Variants in CAPRIN1 observed in about 807,000 individuals in gnomAD.
CAPRIN1 encodes the protein cell cycle associated protein 1.
A neutral mutation model predicts 100.9 loss-of-function variants in CAPRIN1; 29 were observed. The observed-to-expected ratio is 0.29, with a 90% confidence interval of 0.21 to 0.39. The LOEUF is 0.39. Ranked by LOEUF, CAPRIN1 falls within the 10% of genes least tolerant of loss-of-function variation. CAPRIN1 has a pLI of 1.00. For missense variants in CAPRIN1, 795 were observed against 876.7 expected (o/e 0.91, Z 1.18); for synonymous variants, 338 against 307.5 (o/e 1.10, Z -1.04).
At chr11:34,071,840 CAA>C (rs1565088082) in intron 3 of CAPRIN1, 52 bp downstream of exon 3, 2 of 1,585,578 alleles carry the variant, frequency 1.3e-6, no homozygotes, top group East Asian at 2.2e-5. Flanking sequence ...ATTTTAAAGA[CAA>C]AAATTAATTC....
chr11:34,054,065 ATAAGT>A lies in CAPRIN1; in HGVS notation c.216+1431_216+1435del, dbSNP rs150567430. Among the ~76,000 whole-genome samples the A allele has an allele frequency of 4.9e-3, 754 of 152,330 alleles. 7 individuals are homozygous for A. Among genetic ancestry groups the A allele is most frequent in the African/African-American group, 0.017 (716 of 41,578 alleles). On this transcript the variant is annotated intron_variant, in intron 2 of 18. Coordinates refer to ENST00000341394, the MANE Select transcript of CAPRIN1 (RefSeq NM_005898.5). ...CTGGCTAAAACTTGGGCTGTGGGAA[ATAAGT>A]TGAAGAAAACTGGTGATGTTTAGGT...
intron 2 of CAPRIN1, chr11:34,053,640 A>C (rs1405303128): frequency 6.6e-6 from 1 of 151,048 alleles, no homozygotes; most frequent in Non-Finnish European, 1.5e-5. Flanking sequence ...TTTTGGATTC[A>C]ATATTTAGTC....
At chr11:34,081,886 G>T (rs147930971) in intron 7 of CAPRIN1, among the ~76,000 whole-genome samples, 12,968 of 151,842 alleles carry the variant, frequency 0.085, 572 homozygotes, top group African/African-American at 0.092. Flanking sequence ...ATCTCAGCTT[G>T]CTGCAACCTC....
intron 2 of CAPRIN1, 106 bp downstream of exon 2, chr11:34,052,742 C>G (rs764688803): frequency 7.0e-7 from 1 of 1,427,488 alleles, no homozygotes; most frequent in African/African-American, 1.4e-5. Context: ...GGGAGCGTTA[C>G]TAGGTCCCCT....
Position 34,086,341 on chromosome 11 carries a change from C to A in CAPRIN1, c.1159C>A (p.Pro387Thr), listed in dbSNP as rs566066020. ...GGATTTTGAAAATCAGACACTTGAT[C>A]CTGCCATTGTATCTGCACAGCCTAT... ...MLDFENQTLDPAIVSAQPMNP... is the reference protein window; with the variant it reads ...MLDFENQTLDTAIVSAQPMNP... Residue 387 changes from proline (P) to threonine (T), a missense_variant, in exon 11 of 19, where the codon CCT becomes ACT. Pro to Thr is a conservative substitution (Grantham distance 38). Around this residue, in one of 3 missense-constraint regions of CAPRIN1, gnomAD observed 648 missense variants for 697.9 expected, o/e 0.93. Transcript: ENST00000341394. 1.2e-6 allele frequency: 2 copies of A among 1,613,926 alleles called. No individual in the cohort carries two copies. The highest frequency in any genetic ancestry group is 1.7e-6 in the Non-Finnish European group (2 of 1,179,880).
chr11:34,079,496 A>T, intron 6 of CAPRIN1, 132 bp from the exon 7 acceptor site: 1 of 631,220 alleles, frequency 1.6e-6, no homozygotes, highest in Non-Finnish European at 2.7e-6. Flanking sequence ...GGTGAAATGT[A>T]ATCTTTTTAT....
intron 2 of CAPRIN1, among the ~76,000 whole-genome samples, chr11:34,063,904 G>A (rs1303889726): frequency 2.0e-5 from 3 of 152,062 alleles, no homozygotes; most frequent in Non-Finnish European, 4.4e-5. Flanking sequence ...TAGTAGCTGT[G>A]TTTACAGGCA....
At chr11:34,068,457 A>G (rs759683110) in intron 2 of CAPRIN1, among the ~76,000 whole-genome samples, 5 of 152,188 alleles carry the variant, frequency 3.3e-5, no homozygotes, top group Admixed American at 1.3e-4. Context: ...CAGATTTTGT[A>G]GCTATCTTTG....
intron 2 of CAPRIN1, among the ~76,000 whole-genome samples, chr11:34,058,434 G>A (rs997784551): frequency 1.3e-5 from 2 of 152,192 alleles, no homozygotes; most frequent in African/African-American, 4.8e-5. Context: ...ACCACACCCG[G>A]CCTCTTAAAT....
chr11:34,052,726 C>G, intron 2 of CAPRIN1, 90 bp downstream of exon 2: 1 of 1,457,822 alleles, frequency 6.9e-7, no homozygotes, highest in Non-Finnish European at 9.3e-7. Flanking sequence ...CGCTTCTTTT[C>G]GTCTCGGGAG....
intron 16 of CAPRIN1, among the ~76,000 whole-genome samples, 161 bp from the exon 17 acceptor site, chr11:34,097,035 C>T (rs185119949): frequency 1.3e-3 from 197 of 152,092 alleles, no homozygotes; most frequent in Middle Eastern, 3.4e-3. Context: ...TTAGTACTTA[C>T]AGAAATTTAT....
At chr11:34,071,488 G>A (rs932756029) in intron 2 of CAPRIN1, among the ~76,000 whole-genome samples, 4 of 152,048 alleles carry the variant, frequency 2.6e-5, no homozygotes, top group African/African-American at 9.7e-5. Flanking sequence ...TAGCTTGAAC[G>A]TGGGAGGCAG....
At chr11:34,080,861 A>G (rs1277687465) in intron 7 of CAPRIN1, among the ~76,000 whole-genome samples, 1 of 152,218 alleles carries the variant, frequency 6.6e-6, no homozygotes, top group Admixed American at 6.5e-5. Context: ...GGTTGAAACT[A>G]GAAGTGAAGA....
chr11:34,088,875 G>A (rs1037118234), intron 11 of CAPRIN1, among the ~76,000 whole-genome samples: 3 of 152,020 alleles, frequency 2.0e-5, no homozygotes, highest in South Asian at 2.1e-4. Context: ...AACCACTGCC[G>A]GTAAACCAAA....
chr11:34,064,019 C>T (rs564985952), intron 2 of CAPRIN1, among the ~76,000 whole-genome samples: 9 of 152,176 alleles, frequency 5.9e-5, no homozygotes, highest in Non-Finnish European at 8.8e-5. Context: ...CCACCTGTCT[C>T]GGCCTCCCAG....
chr11:34,098,571 C>T (rs997248571), intron 18 of CAPRIN1: 12 of 985,144 alleles, frequency 1.2e-5, no homozygotes, highest in Non-Finnish European at 1.4e-5. Context: ...GGAATTACAA[C>T]GTACTTTGAT....
intron 2 of CAPRIN1, among the ~76,000 whole-genome samples, chr11:34,060,020 C>A (rs1448957690): frequency 6.7e-6 from 1 of 150,262 alleles, no homozygotes; most frequent in Non-Finnish European, 1.5e-5. Flanking sequence ...ACCTGTGAAA[C>A]CCCGCCTCTA....
intron 2 of CAPRIN1, among the ~76,000 whole-genome samples, chr11:34,063,746 G>A (rs970065606): frequency 6.6e-6 from 1 of 152,168 alleles, no homozygotes; most frequent in Non-Finnish European, 1.5e-5. Flanking sequence ...AGTTAGAAAG[G>A]ATCTAAGAGG....
intron 10 of CAPRIN1, 32 bp from the exon 11 acceptor site, chr11:34,086,273 T>C (rs747118940): frequency 1.2e-4 from 192 of 1,609,330 alleles, no homozygotes; most frequent in Non-Finnish European, 1.6e-4. Context: ...TTTATATTAT[T>C]TGACTTTATT....
Sources: gnomAD v4.1 joint callset for allele counts (sites outside exome capture counted in the v4.1 genomes callset) on GRCh38, gnomAD v4.1.1 for gene constraint, gnomAD v4.1.1 regional missense constraint, MANE v1.5 for transcripts, NCBI Gene and HGNC (gene_info 2026-07-23, HGNC 2026-07-21) for gene names.